Variants in TANC2 observed in about 807,000 individuals in gnomAD.
TANC2 encodes the protein tetratricopeptide repeat, ankyrin repeat and coiled-coil containing 2.
Under a neutral mutation model 210.5 loss-of-function variants are expected in TANC2, and 26 were observed. The ratio of observed to expected loss-of-function variants is 0.12; its 90% CI spans 0.09 to 0.17. The LOEUF (loss-of-function observed/expected upper bound fraction) is 0.17, where lower values mean the gene tolerates loss of function less well. Among genes scored for constraint, TANC2 ranks in the 10% least tolerant of loss-of-function variants. The pLI, the probability that TANC2 is intolerant of heterozygous loss-of-function variation, is 1.00. For missense variants in TANC2, 2,129 were observed against 2,608.9 expected, an observed-to-expected ratio of 0.82 and a Z score of 4.01; for synonymous variants, 931 against 967.1, an observed-to-expected ratio of 0.96 and a Z score of 0.69.
At chr17:63,241,355 T>C (rs1433555859) in intron 8 of TANC2, among the ~76,000 whole-genome samples, 2 of 152,238 alleles carry the variant, frequency 1.3e-5, no homozygotes, top group Non-Finnish European at 2.9e-5. Flanking sequence ...CAGTGGTTAA[T>C]CAGAAGCCCT....
At chr17:63,212,390 A>G (rs2041913400) in intron 7 of TANC2, among the ~76,000 whole-genome samples, 2 of 152,138 alleles carry the variant, frequency 1.3e-5, no homozygotes, top group Non-Finnish European at 1.5e-5. Flanking sequence ...GATATCATCT[A>G]TATTGCCATA....
At chr17:63,339,196 T>G (rs890990015) in intron 11 of TANC2, 2 of 152,290 alleles carry the variant, frequency 1.3e-5, no homozygotes, top group African/African-American at 2.4e-5. Context: ...AGCACCATGC[T>G]GAGTGCTTTC....
At chr17:63,266,434 T>C (rs965833476) in intron 8 of TANC2, among the ~76,000 whole-genome samples, 7 of 152,168 alleles carry the variant, frequency 4.6e-5, no homozygotes, top group African/African-American at 1.4e-4. Flanking sequence ...GTACCCAATG[T>C]CAATCATCAT....
At chr17:63,110,114 A>G (rs34140708) in intron 4 of TANC2, among the ~76,000 whole-genome samples, 9,998 of 151,612 alleles carry the variant, frequency 0.066, 611 homozygotes, top group African/African-American at 0.13. Flanking sequence ...ACTTTCAGTG[A>G]GCATTTTTTT....
rs1219940962 is a variant in TANC2 at position 63,287,420 on chromosome 17, T to C, written c.1159+19547T>C. Among the ~76,000 whole-genome samples, 5 of 152,248 alleles carry C rather than the reference T, an allele frequency of 3.3e-5. No homozygotes were observed. In the East Asian group the frequency reaches 7.7e-4, roughly 23 times the overall value. The stretch of plus-strand genomic sequence containing the variant: ...TTGTTTCTCCTAAATATGAATCATA[T>C]TTTCTTGCTTCTTTGCATACCTGAT... On this transcript the variant is annotated intron_variant, in intron 9 of 27. Transcript: ENST00000689528.
Position 63,327,828 on chromosome 17 carries a change from G to A in TANC2, c.1575+8738G>A, listed in dbSNP as rs139797674. 3.0e-4 allele frequency among the ~76,000 whole-genome samples: 46 copies of A among 152,068 alleles called. No homozygotes were observed. The East Asian group carries it at 8.3e-3, about 28-fold the overall frequency. ...TAGGGTACATGTGCACAATGTGCAG[G>A]TTAGTTACATATGTATACATGTGCC... is the stretch of plus-strand genomic sequence containing the variant. On this transcript the variant is annotated intron_variant, in intron 11 of 27. Transcript: ENST00000689528.
At chr17:63,184,417 G>T (rs1184017904) in intron 5 of TANC2, among the ~76,000 whole-genome samples, 1 of 151,884 alleles carries the variant, frequency 6.6e-6, no homozygotes, top group Non-Finnish European at 1.5e-5. Context: ...TTGTAATTTT[G>T]TAGAAATTAT....
chr17:63,217,440 C>A (rs941695857), intron 7 of TANC2, among the ~76,000 whole-genome samples: 1 of 152,192 alleles, frequency 6.6e-6, no homozygotes, highest in East Asian at 1.9e-4. Flanking sequence ...ATTTATTTTT[C>A]TTTTTCTCTA....
intron 2 of TANC2, among the ~76,000 whole-genome samples, chr17:63,035,177 G>GA (rs2034921473): frequency 1.3e-5 from 2 of 152,128 alleles, no homozygotes; most frequent in East Asian, 1.9e-4. Flanking sequence ...TCAACATAGA[G>GA]AAAGACCCTC....
chr17:63,283,138 G>A (rs1455047804), intron 9 of TANC2, among the ~76,000 whole-genome samples: 6 of 152,018 alleles, frequency 3.9e-5, no homozygotes, highest in Non-Finnish European at 8.8e-5. Context: ...TGCAAGATAT[G>A]TGTCAACATT....
At chr17:63,146,795 G>A (rs1447774363) in intron 4 of TANC2, among the ~76,000 whole-genome samples, 2 of 152,076 alleles carry the variant, frequency 1.3e-5, no homozygotes. Context: ...ACCTCGATAG[G>A]TAGATTTTCT....
intron 4 of TANC2, among the ~76,000 whole-genome samples, chr17:63,105,569 GAA>G (rs1335299422): frequency 1.3e-5 from 2 of 151,486 alleles, no homozygotes; most frequent in African/African-American, 4.9e-5. Context: ...TTTATGATGG[GAA>G]AAAAATACAG....
intron 4 of TANC2, among the ~76,000 whole-genome samples, chr17:63,126,253 T>C (rs574238297): frequency 7.2e-4 from 109 of 152,338 alleles, no homozygotes; most frequent in African/African-American, 2.6e-3. Flanking sequence ...TCAATAAATA[T>C]TTACTGAATA....
intron 6 of TANC2, among the ~76,000 whole-genome samples, chr17:63,198,835 G>C (rs1273553285): frequency 1.3e-5 from 2 of 151,868 alleles, no homozygotes; most frequent in Non-Finnish European, 2.9e-5. Context: ...TATAAAAATA[G>C]AGATTTTAAA....
At chr17:63,363,283 C>G (rs2047018026) in intron 14 of TANC2, among the ~76,000 whole-genome samples, 1 of 152,092 alleles carries the variant, frequency 6.6e-6, no homozygotes, top group Admixed American at 6.6e-5. Flanking sequence ...GGGTAGTTTG[C>G]AAGTATTTTC....
intron 5 of TANC2, among the ~76,000 whole-genome samples, chr17:63,189,423 G>T (rs1015502335): frequency 6.6e-6 from 1 of 152,060 alleles, no homozygotes; most frequent in Non-Finnish European, 1.5e-5. Context: ...ATTTCTTATT[G>T]CTTGTCTTTT....
At chr17:63,072,123 G>A (rs1160937304) in intron 2 of TANC2, among the ~76,000 whole-genome samples, 1 of 152,040 alleles carries the variant, frequency 6.6e-6, no homozygotes, top group Non-Finnish European at 1.5e-5. Flanking sequence ...GAAAACTTTA[G>A]GATTTTTGGA....
chr17:63,312,040 C>G, intron 9 of TANC2, among the ~76,000 whole-genome samples: 1 of 152,048 alleles, frequency 6.6e-6, no homozygotes, highest in South Asian at 2.1e-4. Flanking sequence ...AGTGAATATA[C>G]TAAAAACCAC....
chr17:63,022,412 C>T (rs1040195684), intron 2 of TANC2, among the ~76,000 whole-genome samples: 1 of 151,518 alleles, frequency 6.6e-6, no homozygotes, highest in African/African-American at 2.4e-5. Context: ...GCTCAAGATG[C>T]TGTGTAGCTA....
Sources: allele counts gnomAD v4.1 joint callset (sites outside exome capture counted in the v4.1 genomes callset), GRCh38; gene constraint gnomAD v4.1.1; transcripts MANE v1.5; gene names NCBI Gene and HGNC (gene_info 2026-07-23, HGNC 2026-07-21).